The following FAM83G variants were observed in gnomAD, a reference collection of about 807,000 sequenced individuals.
FAM83G encodes the protein protein FAM83G.
FAM83G carries 38 observed loss-of-function variants against 61.5 expected under a neutral mutation model. The observed-to-expected ratio is 0.62, with a 90% confidence interval of 0.48 to 0.81. FAM83G has a LOEUF of 0.81. Among genes scored for constraint, FAM83G ranks in the 30% least tolerant of loss-of-function variants. FAM83G has a pLI of 0.00. For synonymous variants in FAM83G, 470 were observed against 476.1 expected (o/e 0.99, Z 0.17); for missense variants, 989 against 1,133.6 (o/e 0.87, Z 1.83).
chr17:19,001,720 T>C (rs2043733659), intron 2 of FAM83G, among the ~76,000 whole-genome samples: 1 of 152,328 alleles, frequency 6.6e-6, no homozygotes, highest in Admixed American at 6.5e-5. Flanking sequence ...GTCACAGCTG[T>C]AGCCAGAGAC....
At chr17:18,995,712 A>C (rs1020219936) in intron 2 of FAM83G, among the ~76,000 whole-genome samples, 1 of 152,156 alleles carries the variant, frequency 6.6e-6, no homozygotes, top group Non-Finnish European at 1.5e-5. Flanking sequence ...GTTGGAGACC[A>C]GCCTGGCCAA....
rs1238678720 is a variant in FAM83G at position 18,971,688 on chromosome 17, G to A, written c.2143C>T (p.Pro715Ser). The change falls in exon 6 of 6, where the codon CCA (proline) becomes TCA (serine). Residue 715 changes from proline to serine, a missense_variant. Physicochemically the swap from Pro to Ser is moderately conservative, Grantham distance 74. Around this residue, in one of 3 missense-constraint regions of FAM83G, gnomAD observed 574 missense variants for 645.1 expected, o/e 0.89. Transcript: ENST00000388995. The surrounding 1 kb of genome is among the most constrained non-coding windows in gnomAD (Gnocchi z 5.5). ...ASGTRDKDGF[P>S]GPPRYRSAAD... Reference sequence around the variant, plus strand: ...GCAGAGCGGTACCTAGGGGGTCCTGGGAAGCCGTCTTTATCCCTAGTCCCT... The same window carrying A: ...GCAGAGCGGTACCTAGGGGGTCCTGAGAAGCCGTCTTTATCCCTAGTCCCT... 6.2e-7 allele frequency: 1 copy of A among 1,608,488 alleles called. No individual in the cohort carries two copies. The highest frequency in any genetic ancestry group is 1.3e-5 in the African/African-American group (1 of 74,790).
At chr17:18,983,327 C>T (rs980802738) in intron 3 of FAM83G, among the ~76,000 whole-genome samples, 16 of 152,264 alleles carry the variant, frequency 1.1e-4, no homozygotes, top group Non-Finnish European at 5.9e-5. Context: ...GGTGGAACCA[C>T]ACGCCCAGGT....
Position 18,977,905 on chromosome 17 carries a change from G to A in FAM83G, c.1761C>T (p.Tyr587=), listed in dbSNP as rs376662345. The part of the protein sequence containing the change: ...DGVEEEDDDD[Y]VTLSDQDSHS... ...GGCTGTCCTGGTCACTGAGGGTTAC[G>A]TAGTCGTCATCATCTTCTTCTTCCA... Residue 587 remains tyrosine (Y), a synonymous_variant, in exon 5 of 6, where the codon TAC becomes TAT. Transcript: ENST00000388995. 64 of 1,610,328 alleles carry A rather than the reference G, an allele frequency of 4.0e-5. No homozygotes were observed. The highest frequency in any genetic ancestry group is 5.0e-5 in the Non-Finnish European group (59 of 1,179,510).
In FAM83G at chr17:19,003,709, G is replaced by A; in HGVS notation, c.333C>T (p.Ala111=). 1.9e-6 allele frequency: 3 copies of A among 1,605,144 alleles called. No individual in the cohort carries two copies. Among genetic ancestry groups the A allele is most frequent in the Non-Finnish European group, 2.6e-6 (3 of 1,175,784 alleles). ...ASGADGVPIE[A]EPLPSLEYWP... is the part of the protein sequence containing the mutation. The stretch of plus-strand genomic sequence containing the variant: ...AGTACTCCAGGGAGGGCAGCGGCTC[G>A]GCCTCGATGGGGACCCCATCCGCCC... The change falls in exon 2 of 6, where the codon GCC becomes GCT. Residue 111 remains alanine (A), a synonymous_variant. Coordinates refer to ENST00000388995, the MANE Select transcript of FAM83G (RefSeq NM_001039999.3). The surrounding 1 kb of genome is among the most constrained non-coding windows in gnomAD (Gnocchi z 4.5).
rs1468806108 is a variant in FAM83G, at chr17:18,978,337, C to T, written c.1329G>A (p.Gln443=). 2 of 1,604,014 alleles carry T rather than the reference C, an allele frequency of 1.2e-6. No individual in the cohort carries two copies. Among genetic ancestry groups the T allele is most frequent in the Admixed American group, 1.7e-5 (1 of 57,776 alleles). ...DPNIWNPQPS[Q]MNRIKIRDTS... ...TGTCACGGATCTTGATGCGGTTCAT[C>T]TGGCTGGGCTGGGGGTTCCAGATGT... Residue 443 remains glutamine, a synonymous_variant, in exon 5 of 6, where the codon CAG becomes CAA. Coordinates refer to ENST00000388995, the MANE Select transcript of FAM83G (RefSeq NM_001039999.3).
At chr17:18,983,935 G>A (rs1005616290) in intron 3 of FAM83G, among the ~76,000 whole-genome samples, 6 of 152,144 alleles carry the variant, frequency 3.9e-5, no homozygotes, top group Non-Finnish European at 7.4e-5. Flanking sequence ...ACCTGTCCCC[G>A]GCAGTGTAGG....
chr17:18,982,640 T>C (rs1034858146), intron 3 of FAM83G, among the ~76,000 whole-genome samples: 3 of 152,016 alleles, frequency 2.0e-5, no homozygotes, highest in African/African-American at 7.3e-5. Context: ...CAAGGCAAGG[T>C]GGGGGCTCCA....
intron 3 of FAM83G, 106 bp downstream of exon 3, chr17:18,988,141 C>G: frequency 6.7e-7 from 1 of 1,488,602 alleles, no homozygotes; most frequent in Non-Finnish European, 9.0e-7. Context: ...ACTCTGAGTG[C>G]CTGGCACAGG....
In FAM83G at chr17:18,996,061, A is replaced by G. The variant is rs73981273; in HGVS notation, c.522+7459T>C. Among the ~76,000 whole-genome samples, 10,709 of 152,068 alleles carry G rather than the reference A, an allele frequency of 0.07. 710 individuals are homozygous for G. Among genetic ancestry groups the G allele is most frequent in the South Asian group, 0.32 (1,541 of 4,816 alleles). ...AGAAAAGACAACTGCATGTCAAGGA[A>G]CAAAGTAAGTGGACTTCTCATCAGA... is the stretch of plus-strand genomic sequence containing the variant. On this transcript the variant is annotated intron_variant, in intron 2 of 5. Coordinates refer to ENST00000388995, the MANE Select transcript of FAM83G (RefSeq NM_001039999.3). The surrounding 1 kb of genome is among the most constrained non-coding windows in gnomAD (Gnocchi z 4.4).
At chr17:19,002,603 C>T (rs1597893606) in intron 2 of FAM83G, among the ~76,000 whole-genome samples, 1 of 152,246 alleles carries the variant, frequency 6.6e-6, no homozygotes, top group East Asian at 1.9e-4. Context: ...CTCAACACAG[C>T]TCACTAGGTA....
intron 2 of FAM83G, among the ~76,000 whole-genome samples, chr17:18,992,764 C>T (rs1156305413): frequency 1.3e-5 from 2 of 152,194 alleles, no homozygotes; most frequent in East Asian, 3.9e-4. Context: ...CTCTGATGTC[C>T]CTGCCGAGGG....
At chr17:18,973,784 G>A (rs1433554372) in intron 5 of FAM83G, among the ~76,000 whole-genome samples, 3 of 152,036 alleles carry the variant, frequency 2.0e-5, no homozygotes, top group East Asian at 3.9e-4. Context: ...TGCAACCTCC[G>A]CCTCCTGGGT....
At chr17:19,004,857 C>T (rs1195251394), upstream of FAM83G, 1 of 151,858 alleles carries the variant, frequency 6.6e-6, no homozygotes, top group Non-Finnish European at 1.5e-5. This position sits in a 1 kb window ranked among gnomAD's most constrained non-coding sequence, Gnocchi z 5.4. Flanking sequence ...GGGCCGGAAG[C>T]TGATTCACCC....
At position 18,977,607 on chromosome 17, in the gene FAM83G, G is replaced by A. The variant is rs775207503; in HGVS notation, c.2059C>T (p.Arg687Cys). 11 of 1,608,958 alleles carry A rather than the reference G, an allele frequency of 6.8e-6. No individual in the cohort carries two copies. Among genetic ancestry groups the A allele is most frequent in the African/African-American group, 4.0e-5 (3 of 75,052 alleles). ...ACCTGTGCCTCCTTGTCTGTGGAGC[G>A]CTGGGCCTGCATCCTCTTCAACGCA... Reference protein sequence around the residue: ...ADALKRMQAQRSTDKEAQGQQ... With the variant: ...ADALKRMQAQCSTDKEAQGQQ... Residue 687 changes from arginine (R) to cysteine (C), a missense_variant, in exon 5 of 6, where the codon CGC (arginine) becomes TGC (cysteine). This residue lies in a region of FAM83G where 574 missense variants were observed against 645.1 expected (regional missense o/e 0.89). Coordinates refer to ENST00000388995, the MANE Select transcript of FAM83G (RefSeq NM_001039999.3).
Position 18,979,675 on chromosome 17 carries a change from T to G in FAM83G, c.691-2A>C. 1 of 1,613,290 alleles carries G rather than the reference T, an allele frequency of 6.2e-7. No homozygotes were observed. The highest frequency in any genetic ancestry group is 8.5e-7 in the Non-Finnish European group (1 of 1,179,942). On this transcript the variant is annotated splice_acceptor_variant, in intron 3 of 5. Coordinates refer to ENST00000388995, the MANE Select transcript of FAM83G (RefSeq NM_001039999.3). LOFTEE classifies it high-confidence loss of function. ...CCCGCTGCTCCGCACTCTGAGATTCTGTTTTGGGAACCAAGAGACAGAATT... is the reference window on the plus strand; with the variant it reads ...CCCGCTGCTCCGCACTCTGAGATTCGGTTTTGGGAACCAAGAGACAGAATT...
chr17:18,990,619 G>A (rs574666240), intron 2 of FAM83G, among the ~76,000 whole-genome samples: 1 of 152,340 alleles, frequency 6.6e-6, no homozygotes, highest in South Asian at 2.1e-4. Flanking sequence ...CCTCAGCCAG[G>A]CAGGGTGCCT....
Position 18,978,177 on chromosome 17 carries a change from C to T in FAM83G, c.1489G>A (p.Asp497Asn). ...VPAENGLPQG[D>N]PEPLPPVPKP... The stretch of plus-strand genomic sequence containing the variant: ...GGCACGGGGGGCAATGGCTCAGGGT[C>T]CCCCTGGGGGAGGCCGTTCTCAGCT... The change falls in exon 5 of 6, where the codon GAC becomes AAC. Residue 497 changes from aspartate to asparagine, a missense_variant. Around this residue, in one of 3 missense-constraint regions of FAM83G, gnomAD observed 574 missense variants for 645.1 expected, o/e 0.89. Coordinates refer to ENST00000388995, the MANE Select transcript of FAM83G (RefSeq NM_001039999.3). The T allele has an allele frequency of 1.3e-6, 2 of 1,539,774 alleles. No individual in the cohort carries two copies. Among genetic ancestry groups the T allele is most frequent in the Non-Finnish European group, 8.7e-7 (1 of 1,145,952 alleles).
rs2042821758 is a variant in FAM83G at position 18,970,770 on chromosome 17, A to G, written c.*589T>C. 2 of 523,316 alleles carry G rather than the reference A, an allele frequency of 3.8e-6. No homozygotes were observed. The highest frequency in any genetic ancestry group is 6.9e-6 in the Non-Finnish European group (2 of 290,152). 32.4% of individuals were successfully genotyped at this position (523,316 alleles called of 1,614,324 possible). ...GGGCCAGCGGGACACTGGGGTGCCC[A>G]TGTGCAAAATGCTTACTTAATAGTA... is the stretch of plus-strand genomic sequence containing the variant. On this transcript the variant is annotated 3_prime_UTR_variant, in exon 6 of 6. Coordinates refer to ENST00000388995, the MANE Select transcript of FAM83G (RefSeq NM_001039999.3).
Sources: allele counts gnomAD v4.1 joint callset (sites outside exome capture counted in the v4.1 genomes callset), GRCh38; gene constraint gnomAD v4.1.1; regional missense constraint gnomAD v4.1.1; non-coding constraint Gnocchi (gnomAD v3.1); transcripts MANE v1.5; gene names NCBI Gene and HGNC (gene_info 2026-07-23, HGNC 2026-07-21).